RPS6KA2: variants seen among roughly 807,000 people sequenced by gnomAD.
The protein encoded by RPS6KA2 is ribosomal protein S6 kinase A2, also known as ribosomal protein S6 kinase alpha-2.
RPS6KA2 carries 42 observed loss-of-function variants against 91.8 expected under a neutral mutation model. The observed-to-expected ratio is 0.46, with a 90% CI of 0.36 to 0.59. The LOEUF (loss-of-function observed/expected upper bound fraction) is 0.59. Among genes scored for constraint, RPS6KA2 ranks in the 20% least tolerant of loss-of-function variants. RPS6KA2 has a pLI of 0.00. For synonymous variants in RPS6KA2, 414 were observed against 393.6 expected (o/e 1.05, Z -0.61); for missense variants, 798 against 978.5 (o/e 0.82, Z 2.46).
chr6:166,476,130 G>A (rs1562520858), intron 10 of RPS6KA2, among the ~76,000 whole-genome samples: 1 of 152,206 alleles, frequency 6.6e-6, no homozygotes, highest in African/African-American at 2.4e-5. Context: ...TTTGGACACA[G>A]ACCCACACGG....
intron 2 of RPS6KA2, among the ~76,000 whole-genome samples, chr6:166,774,038 G>C (rs535961804): frequency 6.6e-6 from 1 of 152,290 alleles, no homozygotes; most frequent in East Asian, 1.9e-4. Flanking sequence ...AATATGGATT[G>C]AATCTTTTTT....
intron 10 of RPS6KA2, among the ~76,000 whole-genome samples, chr6:166,480,514 T>C (rs190215447): frequency 9.0e-6 from 1 of 110,762 alleles, no homozygotes; most frequent in Non-Finnish European, 1.8e-5. Flanking sequence ...TATATATATA[T>C]AATATATTTT....
intron 1 of RPS6KA2, among the ~76,000 whole-genome samples, chr6:166,551,557 T>C (rs897728243): frequency 6.6e-6 from 1 of 152,230 alleles, no homozygotes; most frequent in East Asian, 1.9e-4. Context: ...TTTAGCAGTT[T>C]CCAAAACTGT....
chr6:166,498,443 C>T, intron 8 of RPS6KA2, 65 bp downstream of exon 8: 2 of 1,526,036 alleles, frequency 1.3e-6, no homozygotes, highest in Non-Finnish European at 1.7e-6. Flanking sequence ...CTGAACCAAC[C>T]TGGGGACAGG....
chr6:166,752,361 T>A (rs1021615844), intron 2 of RPS6KA2, among the ~76,000 whole-genome samples: 1 of 152,100 alleles, frequency 6.6e-6, no homozygotes, highest in African/African-American at 2.4e-5. Context: ...CAGCTTCACA[T>A]TCAACAGCGA....
intron 2 of RPS6KA2, among the ~76,000 whole-genome samples, chr6:166,658,160 G>A (rs1788054729): frequency 6.6e-6 from 1 of 152,194 alleles, no homozygotes; most frequent in Non-Finnish European, 1.5e-5. Context: ...GAGAGTACAG[G>A]CATGAGCCAC....
intron 12 of RPS6KA2, among the ~76,000 whole-genome samples, chr6:166,453,848 G>C (rs747502912): frequency 1.3e-5 from 2 of 152,180 alleles, no homozygotes; most frequent in Non-Finnish European, 2.9e-5. Flanking sequence ...GTACATATAC[G>C]CAATGGAATA....
At chr6:166,595,918 A>G (rs1291017654) in intron 1 of RPS6KA2, among the ~76,000 whole-genome samples, 1 of 152,262 alleles carries the variant, frequency 6.6e-6, no homozygotes, top group Non-Finnish European at 1.5e-5. Flanking sequence ...AGACCTCTGA[A>G]AGAGAATGGC....
At chr6:166,486,372 C>G (rs754051355) in intron 10 of RPS6KA2, among the ~76,000 whole-genome samples, 1 of 152,184 alleles carries the variant, frequency 6.6e-6, no homozygotes, top group Admixed American at 6.5e-5. Flanking sequence ...GTCCTGAGTG[C>G]TCTCCATCCT....
chr6:166,493,534 C>T lies in RPS6KA2; in HGVS notation c.748-2793G>A, dbSNP rs1040519604. On this transcript the variant is annotated intron_variant, in intron 8 of 20. Coordinates refer to ENST00000265678, the MANE Select transcript of RPS6KA2 (RefSeq NM_021135.6). The surrounding 1 kb of genome is among the most constrained non-coding windows in gnomAD (Gnocchi z 4.7). ...GCCGAGGTTCATCTTGGGGTTCCCA[C>T]AGTCAAGTACACGCACCGGGGGAGG... Among the ~76,000 whole-genome samples, 1 of 152,088 alleles carries T rather than the reference C, an allele frequency of 6.6e-6. No individual in the cohort carries two copies. Among genetic ancestry groups the T allele is most frequent in the East Asian group, 1.9e-4 (1 of 5,190 alleles).
rs1783553995 is a variant in RPS6KA2, at chr6:166,538,557, A to G, written c.216+111T>C. ...GTTCTGAACTGTCCAGGTTCCCGTG[A>G]TCGCAGCCCTGCAGGTGAGGACCGC... On this transcript the variant is annotated intron_variant, in intron 2 of 20. Transcript: ENST00000265678. The G allele has an allele frequency of 4.6e-6, 3 of 654,048 alleles. No individual in the cohort carries two copies. In the Admixed American group the frequency reaches 6.0e-5, roughly 13 times the overall value. The allele number at this position is 654,048 out of a possible 1,614,324, so 40.5% of individuals were successfully genotyped here. A position where few individuals can be genotyped will look rare whatever the true frequency, so the allele number is the denominator to read the frequency against.
chr6:166,782,284 T>G (rs763083689), intron 2 of RPS6KA2, among the ~76,000 whole-genome samples: 75 of 152,028 alleles, frequency 4.9e-4, no homozygotes, highest in Non-Finnish European at 9.0e-4. Flanking sequence ...AGAGCAAGAC[T>G]GTCTCAAAAA....
Position 166,538,726 on chromosome 6 carries a change from T to A in RPS6KA2, c.158A>T (p.Lys53Met), listed in dbSNP as rs755866815. ...ISHHVKEGFE[K>M]ADPSQFELLK... ...CAGCTCAAACTGGGAAGGATCTGCCTTCTCAAAGCCCTCCTTCACATGATG... is the reference window on the plus strand; with the variant it reads ...CAGCTCAAACTGGGAAGGATCTGCCATCTCAAAGCCCTCCTTCACATGATG... The change falls in exon 2 of 21, where the codon AAG (lysine) becomes ATG (methionine). Residue 53 changes from lysine to methionine, a missense_variant. By Grantham distance (95) the Lys-to-Met change is moderately conservative. Coordinates refer to ENST00000265678, the MANE Select transcript of RPS6KA2 (RefSeq NM_021135.6). 1 of 1,612,602 alleles carries A rather than the reference T, an allele frequency of 6.2e-7. No individual in the cohort carries two copies. Among genetic ancestry groups the A allele is most frequent in the Non-Finnish European group, 8.5e-7 (1 of 1,178,684 alleles).
intron 1 of RPS6KA2, among the ~76,000 whole-genome samples, chr6:166,569,517 G>A (rs1344472722): frequency 1.3e-5 from 2 of 151,446 alleles, no homozygotes; most frequent in Non-Finnish European, 2.9e-5. Context: ...CTGGGTCCCT[G>A]CTGGGGCCGC....
intron 1 of RPS6KA2, among the ~76,000 whole-genome samples, chr6:166,614,714 T>C (rs1272177653): frequency 6.6e-6 from 1 of 152,176 alleles, no homozygotes; most frequent in Non-Finnish European, 1.5e-5. Flanking sequence ...TGACTCCATG[T>C]CCAGCCCTGG....
At chr6:166,417,718 A>G (rs750189289) in intron 19 of RPS6KA2, among the ~76,000 whole-genome samples, 61 of 152,136 alleles carry the variant, frequency 4.0e-4, no homozygotes, top group Middle Eastern at 3.2e-3. Context: ...GGAAAATGTG[A>G]AAATGCTAAA....
At chr6:166,716,059 A>G (rs1790004087) in intron 2 of RPS6KA2, among the ~76,000 whole-genome samples, 1 of 44,400 alleles carries the variant, frequency 2.3e-5, no homozygotes. Context: ...AAAAAAAAAA[A>G]AAGAAGGAAA....
intron 2 of RPS6KA2, among the ~76,000 whole-genome samples, chr6:166,828,012 G>A (rs1046293616): frequency 1.3e-5 from 2 of 152,234 alleles, no homozygotes; most frequent in African/African-American, 4.8e-5. Flanking sequence ...TGTTAGAAGA[G>A]ATGGCAATCA....
chr6:166,600,065 T>C (rs1785677205), intron 1 of RPS6KA2, among the ~76,000 whole-genome samples: 2 of 149,692 alleles, frequency 1.3e-5, no homozygotes, highest in South Asian at 4.3e-4. Flanking sequence ...TGGAGTGCAG[T>C]GGTGCCATCA....
Sources: gnomAD v4.1 joint callset for allele counts (sites outside exome capture counted in the v4.1 genomes callset) on GRCh38, gnomAD v4.1.1 for gene constraint, Gnocchi (gnomAD v3.1) non-coding constraint, MANE v1.5 for transcripts, NCBI Gene and HGNC (gene_info 2026-07-23, HGNC 2026-07-21) for gene names.